Variants in PRR20G observed in about 807,000 individuals in gnomAD.
PRR20G encodes proline rich 20G, also known as proline-rich protein 20G.
chr3:127,286,151 G>T (rs933954492), intron 2 of PRR20G, among the ~76,000 whole-genome samples: 1 of 152,132 alleles, frequency 6.6e-6, no homozygotes, highest in Non-Finnish European at 1.5e-5. Flanking sequence ...CAGAGTGCTG[G>T]TGACAACGAA....
intron 1 of PRR20G, among the ~76,000 whole-genome samples, 41 bp downstream of exon 1, chr3:127,287,838 C>A (rs2080394628): frequency 1.3e-5 from 2 of 152,176 alleles, no homozygotes; most frequent in African/African-American, 4.8e-5. Flanking sequence ...CCTGTACCCA[C>A]GCAAACTCTA....
chr3:127,285,086 C>G (rs945767300), intron 2 of PRR20G, among the ~76,000 whole-genome samples: 1 of 152,148 alleles, frequency 6.6e-6, no homozygotes, highest in Admixed American at 6.5e-5. Flanking sequence ...AGAATGCTGG[C>G]GTTGTATTCC....
At position 127,284,474 on chromosome 3, in the gene PRR20G, TC is replaced by T; in HGVS notation, c.218del (p.Gly73GlufsTer30). ...APPAGRGQRG[G>X]GSWRAGRGRG... ...GGCCTCGACCTGCCCGCCAGCTTCC[TC>T]CCCCACGCTGGCCTCTTCCTGCAGG... On this transcript the variant is annotated frameshift_variant, in exon 3 of 3. Coordinates refer to ENST00000465482, the MANE Select transcript of PRR20G (RefSeq NM_001362810.2). LOFTEE classifies it low-confidence loss of function (END_TRUNC). The T allele has an allele frequency of 6.5e-6, 1 of 154,444 alleles. No homozygotes were observed. Among genetic ancestry groups the T allele is most frequent in the South Asian group, 1.9e-4 (1 of 5,348 alleles). 9.6% of individuals were successfully genotyped at this position (154,444 alleles called of 1,614,324 possible).
At position 127,288,040 on chromosome 3, in the gene PRR20G, G is replaced by C. The variant is rs1164230030; in HGVS notation, c.-169C>G. On this transcript the variant is annotated 5_prime_UTR_variant, in exon 1 of 3. Coordinates refer to ENST00000465482, the MANE Select transcript of PRR20G (RefSeq NM_001362810.2). ...GTCCTAGTTCGGAGCCCGGCAGAAA[G>C]CTGACTGCTCGCGGTTACGAGAGCT... Among the ~76,000 whole-genome samples, 2 of 152,180 alleles carry C rather than the reference G, an allele frequency of 1.3e-5. No individual in the cohort carries two copies. Among genetic ancestry groups the C allele is most frequent in the Admixed American group, 1.3e-4 (2 of 15,284 alleles).
At chr3:127,286,631 G>T (rs998943138) in intron 2 of PRR20G, among the ~76,000 whole-genome samples, 2 of 152,120 alleles carry the variant, frequency 1.3e-5, no homozygotes, top group African/African-American at 4.8e-5. Context: ...AAATAAGAAA[G>T]AAAAAGACAC....
At chr3:127,287,256 C>G (rs1302449172) in intron 2 of PRR20G, among the ~76,000 whole-genome samples, 58 bp downstream of exon 2, 1 of 152,028 alleles carries the variant, frequency 6.6e-6, no homozygotes, top group Non-Finnish European at 1.5e-5. Flanking sequence ...AAGTCAATAC[C>G]AAAGGTAAAG....
chr3:127,285,955 A>G (rs891110450), intron 2 of PRR20G, among the ~76,000 whole-genome samples: 3 of 152,124 alleles, frequency 2.0e-5, no homozygotes, highest in Non-Finnish European at 2.9e-5. Flanking sequence ...TATTCAGAAA[A>G]ACTACAGCTT....
intron 2 of PRR20G, 55 bp from the exon 3 acceptor site, chr3:127,284,695 C>A: frequency 6.5e-6 from 1 of 153,618 alleles, no homozygotes; most frequent in South Asian, 1.9e-4. Context: ...AGGAAGCCTT[C>A]AGGAAGGGAG....
At chr3:127,287,796 G>A (rs1298844162) in intron 1 of PRR20G, among the ~76,000 whole-genome samples, 83 bp downstream of exon 1, 1 of 152,070 alleles carries the variant, frequency 6.6e-6, no homozygotes, top group Non-Finnish European at 1.5e-5. Context: ...ATGTGGCCTC[G>A]GCCTTCTAGA....
In PRR20G at chr3:127,287,385, G is replaced by T. The variant is rs576010067; in HGVS notation, c.-7-13C>A. ...CTCCATGAGGAATCTGCGGGAGTGG[G>T]TGGGGAGGAAAACGCGTCTGTCAGG... On this transcript the variant is annotated splice_polypyrimidine_tract_variant and intron_variant, in intron 1 of 2. Coordinates refer to ENST00000465482, the MANE Select transcript of PRR20G (RefSeq NM_001362810.2). Among the ~76,000 whole-genome samples the T allele has an allele frequency of 1.4e-3, 206 of 152,332 alleles. 1 individual carries two copies. The highest frequency in any genetic ancestry group is 4.6e-3 in the African/African-American group (192 of 41,574).
intron 2 of PRR20G, among the ~76,000 whole-genome samples, chr3:127,286,699 G>A (rs1333643385): frequency 1.3e-5 from 2 of 152,350 alleles, no homozygotes; most frequent in East Asian, 3.9e-4. Flanking sequence ...CAGATGATGT[G>A]GAAGGGAGAT....
At chr3:127,285,379 A>T (rs559982744) in intron 2 of PRR20G, among the ~76,000 whole-genome samples, 1 of 152,180 alleles carries the variant, frequency 6.6e-6, no homozygotes, top group African/African-American at 2.4e-5. Context: ...ATTCCAGGTG[A>T]CAGGGGGGCC....
At chr3:127,285,363 G>C (rs965275740) in intron 2 of PRR20G, among the ~76,000 whole-genome samples, 1 of 152,156 alleles carries the variant, frequency 6.6e-6, no homozygotes, top group Non-Finnish European at 1.5e-5. Context: ...AGCAGGGAGG[G>C]AGAGGATTCC....
chr3:127,286,043 G>C (rs182188150), intron 2 of PRR20G, among the ~76,000 whole-genome samples: 2 of 152,068 alleles, frequency 1.3e-5, no homozygotes, highest in East Asian at 3.9e-4. Flanking sequence ...AGATCTCCCA[G>C]GAAAGAGAGC....
intron 2 of PRR20G, among the ~76,000 whole-genome samples, chr3:127,285,319 A>C (rs577341921): frequency 9.2e-5 from 14 of 152,328 alleles, no homozygotes; most frequent in Non-Finnish European, 1.5e-4. Context: ...GGTGGGATTT[A>C]GCAAGGCAAA....
At chr3:127,287,750 G>A (rs1357312159) in intron 1 of PRR20G, among the ~76,000 whole-genome samples, 129 bp downstream of exon 1, 1 of 152,150 alleles carries the variant, frequency 6.6e-6, no homozygotes, top group Non-Finnish European at 1.5e-5. Context: ...TGGAGGATGG[G>A]GAACAGAGTT....
At chr3:127,285,770 C>T (rs2080384344) in intron 2 of PRR20G, among the ~76,000 whole-genome samples, 1 of 152,172 alleles carries the variant, frequency 6.6e-6, no homozygotes, top group Admixed American at 6.5e-5. Context: ...TATCACCAAA[C>T]ATCAGAGGAA....
chr3:127,285,893 G>A (rs1359123865), intron 2 of PRR20G, among the ~76,000 whole-genome samples: 1 of 152,154 alleles, frequency 6.6e-6, no homozygotes, highest in East Asian at 1.9e-4. Flanking sequence ...TCCCCAGAGA[G>A]ATAGAAGGAA....
At chr3:127,286,127 T>A (rs922615509) in intron 2 of PRR20G, among the ~76,000 whole-genome samples, 2 of 152,072 alleles carry the variant, frequency 1.3e-5, no homozygotes, top group Non-Finnish European at 2.9e-5. Context: ...CTGAGACACA[T>A]CCCCATAAAA....
Sources: gnomAD v4.1 joint callset for allele counts (sites outside exome capture counted in the v4.1 genomes callset) on GRCh38, gnomAD v4.1.1 for gene constraint, MANE v1.5 for transcripts, NCBI Gene and HGNC (gene_info 2026-07-23, HGNC 2026-07-21) for gene names.